Variants in GSTM2 observed in about 807,000 individuals in gnomAD.
GSTM2 encodes the protein GST class-mu 2.
A neutral mutation model predicts 33.3 loss-of-function variants in GSTM2; 33 were observed. The ratio of observed to expected loss-of-function variants is 0.99; its 90% confidence interval spans 0.75 to 1.33. GSTM2 has a LOEUF of 1.33. Among genes scored for constraint, GSTM2 ranks in the 40% most tolerant of loss-of-function variants. GSTM2 has a pLI of 0.00. For synonymous variants in GSTM2, 93 were observed against 95.6 expected, an observed-to-expected ratio of 0.97 and a Z score of 0.16; for missense variants, 213 against 265.8, an observed-to-expected ratio of 0.80 and a Z score of 1.38.
chr1:109,668,350 G>T, intron 1 of GSTM2, 75 bp from the exon 2 acceptor site: 1 of 1,524,134 alleles, frequency 6.6e-7, no homozygotes, highest in South Asian at 1.1e-5. Context: ...AGGAGATGGG[G>T]CTCCCCTTGT....
chr1:109,676,329 A>C (rs1647704603), downstream of GSTM2, among the ~76,000 whole-genome samples: 1 of 152,154 alleles, frequency 6.6e-6, no homozygotes, highest in African/African-American at 2.4e-5. Flanking sequence ...GTCTGACTGC[A>C]TCCTTTGCTT....
At chr1:109,678,599 A>AT (rs1372543575), downstream of GSTM2, among the ~76,000 whole-genome samples, 26 of 150,920 alleles carry the variant, frequency 1.7e-4, no homozygotes, top group Middle Eastern at 3.4e-3. Flanking sequence ...TATCAAAATT[A>AT]TTTTTTTTTG....
At position 109,668,465 on chromosome 1, in the gene GSTM2, C is replaced by T; in HGVS notation, c.77C>T (p.Ser26Leu). 6.2e-7 allele frequency: 1 copy of T among 1,614,212 alleles called. No individual in the cohort carries two copies. Among genetic ancestry groups the T allele is most frequent in the Non-Finnish European group, 8.5e-7 (1 of 1,180,032 alleles). Residue 26 changes from serine (S) to leucine (L), a missense_variant, in exon 2 of 8, where the codon TCA becomes TTA. Coordinates refer to ENST00000241337, the MANE Select transcript of GSTM2 (RefSeq NM_000848.4). ...CGCCTGCTCCTGGAATACACAGACT[C>T]AAGCTACGAGGAAAAGAAGTACACG... ...SIRLLLEYTD[S>L]SYEEKKYTMG...
rs529342608 is a variant in GSTM2, at chr1:109,669,683, G to A, written c.360+112G>A. ...CTTCTGGTGAGTTCTTGGTCTTGCT[G>A]ACTCTAAGAATGAAGCCGCGGTCCT... On this transcript the variant is annotated intron_variant, in intron 5 of 7. Transcript: ENST00000241337. The A allele has an allele frequency of 1.0e-5, 7 of 696,120 alleles. No homozygotes were observed. In the East Asian group the frequency reaches 1.9e-4, roughly 19 times the overall value. The allele number at this position is 696,120 out of a possible 1,614,324, so 43.1% of individuals were successfully genotyped here. A position where few individuals can be genotyped will look rare whatever the true frequency, so the allele number is the denominator to read the frequency against.
chr1:109,672,458 T>C (rs548770833), intron 7 of GSTM2, among the ~76,000 whole-genome samples: 27 of 152,150 alleles, frequency 1.8e-4, no homozygotes, highest in Non-Finnish European at 3.7e-4. Context: ...AGAGGGTCAG[T>C]CCTTTGCTCA....
downstream of GSTM2, among the ~76,000 whole-genome samples, chr1:109,677,549 A>G (rs1647735268): frequency 1.3e-5 from 2 of 152,358 alleles, no homozygotes; most frequent in South Asian, 4.1e-4. Context: ...GGATCCAGAC[A>G]GGAGAAAGGA....
Position 109,671,312 on chromosome 1 carries a change from AG to A in GSTM2, c.388del (p.Ala130HisfsTer6). On this transcript the variant is annotated frameshift_variant, in exon 6 of 8. Transcript: ENST00000241337. LOFTEE classifies it high-confidence loss of function. Reference protein sequence around the residue: ...DFEKLKPEYLQALPEMLKLYS... With the variant: ...DFEKLKPEYLXALPEMLKLYS... The stretch of plus-strand genomic sequence containing the variant: ...GAGAAACTGAAACCAGAATACCTGC[AG>A]GCACTCCCTGAAATGCTGAAGCTCT... 6.2e-7 allele frequency: 1 copy of A among 1,613,896 alleles called. No individual in the cohort carries two copies. The highest frequency in any genetic ancestry group is 8.5e-7 in the Non-Finnish European group (1 of 1,179,732).
At chr1:109,670,233 T>C (rs1647484986) in intron 5 of GSTM2, 1 of 152,342 alleles carries the variant, frequency 6.6e-6, no homozygotes, top group Non-Finnish European at 1.5e-5. Context: ...GAGTGCTGAT[T>C]GGTGCGTTTA....
chr1:109,668,195 GC>G, intron 1 of GSTM2, 44 bp downstream of exon 1: 3 of 1,518,202 alleles, frequency 2.0e-6, no homozygotes, highest in Non-Finnish European at 1.8e-6. Context: ...GTGCGTGGGG[GC>G]GGGGAAGTGT....
At chr1:109,671,068 C>T (rs1570628664) in intron 5 of GSTM2, 2 of 561,802 alleles carry the variant, frequency 3.6e-6, no homozygotes, top group East Asian at 2.9e-5. Flanking sequence ...GTGTCACATT[C>T]CGCTCTGCCA....
intron 5 of GSTM2, chr1:109,669,797 G>A: frequency 1.9e-6 from 1 of 531,720 alleles, no homozygotes. Flanking sequence ...CTTCCTTCCG[G>A]TGGGTTTGTG....
At chr1:109,673,160 G>T in intron 7 of GSTM2, 1 of 1,605,470 alleles carries the variant, frequency 6.2e-7, no homozygotes. Context: ...GTGAGCCACC[G>T]CGCCTGGCCT....
downstream of GSTM2, among the ~76,000 whole-genome samples, chr1:109,679,795 G>C (rs1413621692): frequency 6.6e-6 from 1 of 152,206 alleles, no homozygotes; most frequent in Non-Finnish European, 1.5e-5. Flanking sequence ...GGGATGCTCA[G>C]ATGGCTGGTA....
At chr1:109,668,256 C>T in intron 1 of GSTM2, 105 bp downstream of exon 1, 3 of 1,388,624 alleles carry the variant, frequency 2.2e-6, no homozygotes, top group Non-Finnish European at 3.1e-6. Context: ...CAGGGCTGTC[C>T]CTGACAGCGG....
chr1:109,678,933 T>C (rs886504806), downstream of GSTM2, among the ~76,000 whole-genome samples: 3 of 152,104 alleles, frequency 2.0e-5, no homozygotes, highest in Non-Finnish European at 2.9e-5. Context: ...TAGAGCAGGG[T>C]GATCATGTTT....
At position 109,671,397 on chromosome 1, in the gene GSTM2, T is replaced by G; in HGVS notation, c.456+15T>G. 1 of 1,596,150 alleles carries G rather than the reference T, an allele frequency of 6.3e-7. No homozygotes were observed. The highest frequency in any genetic ancestry group is 8.6e-7 in the Non-Finnish European group (1 of 1,163,526). On this transcript the variant is annotated intron_variant, in intron 6 of 7. Transcript: ENST00000241337. ...TTGGGGACAAGGTAATGGGGGCGTG[T>G]GATGGGGACACCACAGATTTGTCAT...
chr1:109,673,080 G>A (rs975597546), intron 7 of GSTM2: 16 of 1,143,988 alleles, frequency 1.4e-5, no homozygotes, highest in Non-Finnish European at 2.0e-5. Flanking sequence ...ATGTTGGCCA[G>A]GCTGGTCTCA....
At chr1:109,668,533 CT>C in intron 2 of GSTM2, 33 bp downstream of exon 2, 1 of 1,610,720 alleles carries the variant, frequency 6.2e-7, no homozygotes, top group South Asian at 1.1e-5. Context: ...GCCCTGCCCC[CT>C]CACACTAAGT....
chr1:109,673,265 G>C, intron 7 of GSTM2: 1 of 1,610,706 alleles, frequency 6.2e-7, no homozygotes, highest in Non-Finnish European at 8.5e-7. Context: ...CTTCTCCTCT[G>C]CATGAGGCAG....
Sources: gnomAD v4.1 joint callset for allele counts (sites outside exome capture counted in the v4.1 genomes callset) on GRCh38, gnomAD v4.1.1 for gene constraint, MANE v1.5 for transcripts, NCBI Gene and HGNC (gene_info 2026-07-23, HGNC 2026-07-21) for gene names.